The following RBFOX3 variants were observed in gnomAD, a reference collection of about 807,000 sequenced individuals.
The protein encoded by RBFOX3 is RNA binding protein fox-1 homolog 3.
RBFOX3 carries 17 observed loss-of-function variants against 48.7 expected under a neutral mutation model. The ratio of observed to expected loss-of-function variants is 0.35; its 90% CI spans 0.24 to 0.52. The LOEUF is 0.52. Ranked by LOEUF, RBFOX3 falls within the 20% of genes least tolerant of loss-of-function variation. RBFOX3 has a pLI of 0.94. For missense variants in RBFOX3, 382 were observed against 497.5 expected, an observed-to-expected ratio of 0.77 and a Z score of 2.21; for synonymous variants, 212 against 209.5, an observed-to-expected ratio of 1.01 and a Z score of -0.10.
intron 2 of RBFOX3, among the ~76,000 whole-genome samples, chr17:79,365,510 G>C (rs116387063): frequency 6.6e-6 from 1 of 152,202 alleles, no homozygotes; most frequent in Non-Finnish European, 1.5e-5. Flanking sequence ...GCTCTAGCGC[G>C]GCCCTGGCGC....
intron 2 of RBFOX3, among the ~76,000 whole-genome samples, chr17:79,448,075 C>G (rs181379200): frequency 1.3e-5 from 2 of 152,326 alleles, no homozygotes; most frequent in African/African-American, 4.8e-5. Context: ...GGCCTCCCAG[C>G]CACGCTTCTG....
At chr17:79,499,746 G>T (rs9902787) in intron 1 of RBFOX3, among the ~76,000 whole-genome samples, 4,971 of 152,246 alleles carry the variant, frequency 0.033, 278 homozygotes, top group African/African-American at 0.11. Context: ...AGATGAGACC[G>T]TGTATCCAGA....
the RBFOX3 span, among the ~76,000 whole-genome samples, chr17:79,622,545 C>T: frequency 6.6e-6 from 1 of 152,216 alleles, no homozygotes; most frequent in African/African-American, 2.4e-5. Flanking sequence ...ATCTTGAGGC[C>T]AGACGTCCAA....
intron 3 of RBFOX3, among the ~76,000 whole-genome samples, chr17:79,283,737 T>C (rs529017091): frequency 1.3e-5 from 2 of 152,242 alleles, no homozygotes; most frequent in Non-Finnish European, 2.9e-5. Flanking sequence ...TCCTTGCCCA[T>C]CATGCAGAGC....
chr17:79,463,432 C>T (rs576381615), intron 2 of RBFOX3, among the ~76,000 whole-genome samples: 4 of 141,300 alleles, frequency 2.8e-5, no homozygotes, highest in East Asian at 2.1e-4. Context: ...CCACTGCCAC[C>T]GCCATCGCCA....
At chr17:79,427,515 G>T (rs1395409120) in intron 2 of RBFOX3, among the ~76,000 whole-genome samples, 1 of 152,238 alleles carries the variant, frequency 6.6e-6, no homozygotes, top group Admixed American at 6.5e-5. Context: ...AGCTCAGCCA[G>T]TGATTTTGCC....
At chr17:79,175,697 C>G (rs527953441) in intron 4 of RBFOX3, among the ~76,000 whole-genome samples, 31 of 152,380 alleles carry the variant, frequency 2.0e-4, no homozygotes, top group Middle Eastern at 3.4e-3. Flanking sequence ...AGCTCAGAAG[C>G]TGGGCACGCC....
intron 5 of RBFOX3, among the ~76,000 whole-genome samples, chr17:79,112,911 G>GGT (rs1599483912): frequency 7.3e-6 from 1 of 136,476 alleles, no homozygotes; most frequent in Non-Finnish European, 1.6e-5. Flanking sequence ...TCTCGGGGGG[G>GGT]GGGTGGGCTG....
At chr17:79,484,660 C>T (rs1215528041) in intron 1 of RBFOX3, among the ~76,000 whole-genome samples, 1 of 152,090 alleles carries the variant, frequency 6.6e-6, no homozygotes, top group African/African-American at 2.4e-5. Context: ...TAGGAAGGGG[C>T]TCCAGGAAGG....
chr17:79,272,324 G>C (rs895227638), intron 3 of RBFOX3, among the ~76,000 whole-genome samples: 1 of 152,204 alleles, frequency 6.6e-6, no homozygotes, highest in South Asian at 2.1e-4. Flanking sequence ...AGGCCTCACT[G>C]TCTGACTGTC....
chr17:79,648,962 C>A, the RBFOX3 span, among the ~76,000 whole-genome samples: 1 of 148,756 alleles, frequency 6.7e-6, no homozygotes, highest in Non-Finnish European at 1.5e-5. Context: ...ATCAGCTTAG[C>A]ATGAGTGAAA....
chr17:79,238,647 A>G (rs531364274), intron 3 of RBFOX3, among the ~76,000 whole-genome samples: 114 of 152,058 alleles, frequency 7.5e-4, no homozygotes, highest in Middle Eastern at 3.4e-3. Flanking sequence ...ACCCCATCCA[A>G]CCCAGCTTCT....
At chr17:79,470,687 CA>C (rs112440740) in intron 2 of RBFOX3, among the ~76,000 whole-genome samples, 24,358 of 152,134 alleles carry the variant, frequency 0.16, 4,249 homozygotes, top group African/African-American at 0.44. Flanking sequence ...CCGTTCTAGC[CA>C]AAGTGTCTGG....
At chr17:79,586,529 C>A (rs1383788104) in intron 1 of RBFOX3, among the ~76,000 whole-genome samples, 1 of 152,244 alleles carries the variant, frequency 6.6e-6, no homozygotes, top group African/African-American at 2.4e-5. Flanking sequence ...CTGGTACCCC[C>A]TTCCCCCAGG....
At chr17:79,203,134 C>T (rs938336920) in intron 4 of RBFOX3, among the ~76,000 whole-genome samples, 1 of 151,532 alleles carries the variant, frequency 6.6e-6, no homozygotes, top group African/African-American at 2.4e-5. Context: ...AGTGGCCCCT[C>T]GGGATAGGAT....
intron 3 of RBFOX3, among the ~76,000 whole-genome samples, chr17:79,302,893 T>TG (rs1362373604): frequency 1.3e-5 from 2 of 152,218 alleles, no homozygotes; most frequent in Admixed American, 1.3e-4. Flanking sequence ...ATGTACTCAA[T>TG]GCCACTAAGT....
rs1380101871 is a variant in RBFOX3 at position 79,480,434 on chromosome 17, C to A, written c.-175+2020G>T. 6.6e-6 allele frequency among the ~76,000 whole-genome samples: 1 copy of A among 152,152 alleles called. No homozygotes were observed. Among genetic ancestry groups the A allele is most frequent in the African/African-American group, 2.4e-5 (1 of 41,420 alleles). ...GTCCCCCTCACAGAAGGCAGAGACACCTTTGTATGTCTCAGGCCATTCAAT... is the reference window on the plus strand; with the variant it reads ...GTCCCCCTCACAGAAGGCAGAGACAACTTTGTATGTCTCAGGCCATTCAAT... On this transcript the variant is annotated intron_variant, in intron 2 of 14. Coordinates refer to ENST00000693108, the MANE Select transcript of RBFOX3 (RefSeq NM_001350451.2). The surrounding 1 kb of genome is among the most constrained non-coding windows in gnomAD (Gnocchi z 4.8).
intron 4 of RBFOX3, among the ~76,000 whole-genome samples, chr17:79,226,920 G>C (rs1479740621): frequency 6.6e-6 from 1 of 152,226 alleles, no homozygotes; most frequent in Non-Finnish European, 1.5e-5. Context: ...CAAGTTGCTC[G>C]GGAGGCTCTG....
At chr17:79,532,401 G>A (rs2087936266) in intron 1 of RBFOX3, among the ~76,000 whole-genome samples, 1 of 152,218 alleles carries the variant, frequency 6.6e-6, no homozygotes, top group Non-Finnish European at 1.5e-5. Context: ...CCTCTGGATT[G>A]GGACAGAGGA....
Sources: gnomAD v4.1 joint callset for allele counts (sites outside exome capture counted in the v4.1 genomes callset) on GRCh38, gnomAD v4.1.1 for gene constraint, Gnocchi (gnomAD v3.1) non-coding constraint, MANE v1.5 for transcripts, NCBI Gene and HGNC (gene_info 2026-07-23, HGNC 2026-07-21) for gene names.